DHCR7: variants seen among roughly 807,000 people sequenced by gnomAD.
DHCR7 encodes the protein 7-dehydrocholesterol reductase.
A neutral mutation model predicts 43.3 loss-of-function variants in DHCR7; 40 were observed. The observed-to-expected ratio is 0.92, with a 90% CI of 0.72 to 1.20. The LOEUF (loss-of-function observed/expected upper bound fraction) is 1.20, where lower values mean the gene tolerates loss of function less well. DHCR7 is among the 50% of genes most tolerant of loss of function. The pLI is 0.00. For synonymous variants in DHCR7, 298 were observed against 271.4 expected, an observed-to-expected ratio of 1.10 and a Z score of -0.96; for missense variants, 608 against 644.6, an observed-to-expected ratio of 0.94 and a Z score of 0.62.
chr11:71,446,632 G>T (rs911024473), intron 2 of DHCR7, among the ~76,000 whole-genome samples: 2 of 152,230 alleles, frequency 1.3e-5, no homozygotes, highest in African/African-American at 4.8e-5. Flanking sequence ...AAAAATGTGT[G>T]CATGAATTAC....
At chr11:71,444,991 C>T in intron 2 of DHCR7, 33 bp from the exon 3 acceptor site, 2 of 1,581,074 alleles carry the variant, frequency 1.3e-6, no homozygotes, top group Non-Finnish European at 1.7e-6. Context: ...TACATTATCC[C>T]TCAAATAACA....
Position 71,435,657 on chromosome 11 carries a change from G to T in DHCR7, c.1146C>A (p.Tyr382Ter), listed in dbSNP as rs1555145605. The change falls in exon 9 of 9, where the codon TAC becomes TAA. Residue 382 changes from tyrosine (Y) to a stop codon, truncating the protein, a stop_gained. Transcript: ENST00000355527. LOFTEE classifies it high-confidence loss of function. ...GRKPKVIECS[Y>*]TSADGQRHHS... Reference sequence around the variant, plus strand: ...GGTGCCTCTGCCCATCGGCGGATGTGTAGGAGCACTCGATGACCTTGGGCT... The same window carrying T: ...GGTGCCTCTGCCCATCGGCGGATGTTTAGGAGCACTCGATGACCTTGGGCT... The T allele has an allele frequency of 6.2e-7, 1 of 1,612,850 alleles. No homozygotes were observed. The highest frequency in any genetic ancestry group is 8.5e-7 in the Non-Finnish European group (1 of 1,179,936).
At chr11:71,438,533 C>T (rs1490839577) in intron 7 of DHCR7, among the ~76,000 whole-genome samples, 6 of 152,152 alleles carry the variant, frequency 3.9e-5, no homozygotes, top group Non-Finnish European at 7.4e-5. Flanking sequence ...CACCCTCTCT[C>T]CCTACAGGGG....
At chr11:71,445,078 T>G in intron 2 of DHCR7, 120 bp from the exon 3 acceptor site, 14 of 787,604 alleles carry the variant, frequency 1.8e-5, no homozygotes, top group Non-Finnish European at 3.1e-5. Flanking sequence ...ATCTTCCCGG[T>G]ACCTTGTTCC....
intron 4 of DHCR7, among the ~76,000 whole-genome samples, 160 bp from the exon 5 acceptor site, chr11:71,442,513 T>G (rs997753026): frequency 6.6e-6 from 1 of 151,772 alleles, no homozygotes; most frequent in Non-Finnish European, 1.5e-5. Flanking sequence ...TTGAAGGGGG[T>G]TCTGAGACAA....
At chr11:71,442,993 G>A (rs542502521) in intron 4 of DHCR7, among the ~76,000 whole-genome samples, 4 of 152,328 alleles carry the variant, frequency 2.6e-5, no homozygotes, top group African/African-American at 9.6e-5. Context: ...CTGCCACTGA[G>A]CTTTCTGCCT....
intron 5 of DHCR7, 84 bp from the exon 6 acceptor site, chr11:71,441,524 G>T: frequency 1.6e-6 from 2 of 1,216,452 alleles, no homozygotes; most frequent in Non-Finnish European, 2.4e-6. Flanking sequence ...CCTGGCGGGG[G>T]CCCTGGTCAC....
At chr11:71,438,020 C>A in intron 7 of DHCR7, 77 bp from the exon 8 acceptor site, 4 of 1,565,134 alleles carry the variant, frequency 2.6e-6, no homozygotes, top group Middle Eastern at 3.4e-4. Flanking sequence ...TCACACTCCA[C>A]GCAGATGCAG....
At position 71,441,483 on chromosome 11, in the gene DHCR7, G is replaced by A. The variant is rs139713197; in HGVS notation, c.413-43C>T. ...AGAAATGAAGGCGCTTTCCCAACCCGCAGTGAGGAGCTTGGCTGGGCTGAA... is the reference window on the plus strand; with the variant it reads ...AGAAATGAAGGCGCTTTCCCAACCCACAGTGAGGAGCTTGGCTGGGCTGAA... On this transcript the variant is annotated intron_variant, in intron 5 of 8. Transcript: ENST00000355527. The A allele has an allele frequency of 5.7e-4, 850 of 1,488,512 alleles. 3 individuals are homozygous for A. In the African/African-American group the frequency reaches 0.01, roughly 18 times the overall value. The allele number at this position is 1,488,512 out of a possible 1,614,324, so 92.2% of individuals were successfully genotyped here.
At chr11:71,430,741 C>T (rs184549525), downstream of DHCR7, among the ~76,000 whole-genome samples, 2 of 152,322 alleles carry the variant, frequency 1.3e-5, no homozygotes, top group East Asian at 3.9e-4. Flanking sequence ...AGAGAGGGGC[C>T]AGGAAGGGCA....
At chr11:71,446,260 GAAAAAAAAAA>G (rs57679336) in intron 2 of DHCR7, among the ~76,000 whole-genome samples, 1 of 65,940 alleles carries the variant, frequency 1.5e-5, no homozygotes, top group African/African-American at 6.5e-5. Context: ...CTTACCAAAT[GAAAAAAAAAA>G]AAAAAAAAAA....
chr11:71,433,338 G>A (rs558146900), downstream of DHCR7, among the ~76,000 whole-genome samples: 6 of 152,234 alleles, frequency 3.9e-5, no homozygotes, highest in Non-Finnish European at 8.8e-5. Flanking sequence ...GATGAGTGAG[G>A]GCAGACGTGT....
chr11:71,432,539 G>T (rs1174597077), downstream of DHCR7, among the ~76,000 whole-genome samples: 1 of 152,182 alleles, frequency 6.6e-6, no homozygotes, highest in African/African-American at 2.4e-5. Flanking sequence ...CTTCATCTGT[G>T]TATTTTTGTG....
At chr11:71,431,437 C>A (rs767221795), downstream of DHCR7, among the ~76,000 whole-genome samples, 20 of 152,168 alleles carry the variant, frequency 1.3e-4, no homozygotes, top group Non-Finnish European at 2.4e-4. Context: ...CTGACGCCCA[C>A]CTCTGACAGT....
chr11:71,428,992 A>G (rs1949214667), intron 2 of DHCR7: 6 of 366,316 alleles, frequency 1.6e-5, no homozygotes, highest in South Asian at 1.0e-4. Context: ...AAGTGTGCTC[A>G]GGGGTAGGAA....
In DHCR7 at chr11:71,448,255, C is replaced by T. The variant is rs372253738; in HGVS notation, c.-132+35G>A. On this transcript the variant is annotated intron_variant, in intron 1 of 8. Transcript: ENST00000355527. ...AGCGCCCCCCACTGCGCACACCTTC[C>T]CCTGGCCTCACCTGCGCACACCTTG... 40 of 155,842 alleles carry T rather than the reference C, an allele frequency of 2.6e-4. No homozygotes were observed. The South Asian group carries it at 7.2e-3, about 28-fold the overall frequency. 9.7% of individuals were successfully genotyped at this position (155,842 alleles called of 1,614,324 possible). A position where few individuals can be genotyped will look rare whatever the true frequency, so the allele number is the denominator to read the frequency against.
At position 71,435,756 on chromosome 11, in the gene DHCR7, G is replaced by A; in HGVS notation, c.1047C>T (p.Tyr349=). 1.2e-6 allele frequency: 2 copies of A among 1,611,194 alleles called. No individual in the cohort carries two copies. The highest frequency in any genetic ancestry group is 1.7e-5 in the Admixed American group (1 of 60,010). The change falls in exon 9 of 9, where the codon TAC becomes TAT. Residue 349 remains tyrosine, a synonymous_variant. Transcript: ENST00000355527. Reference sequence around the variant, plus strand: ...TCTGGTGGTTGGCCACCCGGAAGATGTAGTAGCCCACCAGGCCCAGCAGCA... The same window carrying A: ...TCTGGTGGTTGGCCACCCGGAAGATATAGTAGCCCACCAGGCCCAGCAGCA... ...GVLLLGLVGY[Y]IFRVANHQKD... is the part of the protein sequence containing the mutation.
downstream of DHCR7, among the ~76,000 whole-genome samples, chr11:71,432,570 A>T (rs1949234445): frequency 6.6e-6 from 1 of 152,196 alleles, no homozygotes; most frequent in Admixed American, 6.5e-5. Context: ...GAACACTGAA[A>T]ATTTACTCTT....
Position 71,441,226 on chromosome 11 carries a change from C to A in DHCR7, c.626+1G>T, listed in dbSNP as rs1471145742. On this transcript the variant is annotated splice_donor_variant, in intron 6 of 8. Coordinates refer to ENST00000355527, the MANE Select transcript of DHCR7 (RefSeq NM_001360.3). LOFTEE classifies it high-confidence loss of function. Reference sequence around the variant, plus strand: ...GGCTGGACCCGCTGCTAAGAACATACCAGTCTCTGGCGCTGGTGGGGAAGA... The same window carrying A: ...GGCTGGACCCGCTGCTAAGAACATAACAGTCTCTGGCGCTGGTGGGGAAGA... The A allele has an allele frequency of 6.2e-7, 1 of 1,614,012 alleles. No homozygotes were observed. The highest frequency in any genetic ancestry group is 8.5e-7 in the Non-Finnish European group (1 of 1,179,970).
Sources: gnomAD v4.1 joint callset for allele counts (sites outside exome capture counted in the v4.1 genomes callset) on GRCh38, gnomAD v4.1.1 for gene constraint, MANE v1.5 for transcripts, NCBI Gene and HGNC (gene_info 2026-07-23, HGNC 2026-07-21) for gene names.